PRKDC: variants seen among roughly 807,000 people sequenced by gnomAD.
PRKDC encodes protein kinase, DNA-activated, catalytic subunit.
PRKDC carries 82 observed loss-of-function variants against 486.9 expected under a neutral mutation model. The ratio of observed to expected loss-of-function variants is 0.17; its 90% CI spans 0.14 to 0.20. The LOEUF (loss-of-function observed/expected upper bound fraction) is 0.20, where lower values mean the gene tolerates loss of function less well. Ranked by LOEUF, PRKDC falls within the 10% of genes least tolerant of loss-of-function variation. The pLI is 1.00. For synonymous variants in PRKDC, 1,895 were observed against 1,837.0 expected, an observed-to-expected ratio of 1.03 and a Z score of -0.81; for missense variants, 4,504 against 5,038.2, an observed-to-expected ratio of 0.89 and a Z score of 3.21.
intron 68 of PRKDC, among the ~76,000 whole-genome samples, chr8:47,813,502 T>G (rs965702110): frequency 6.6e-6 from 1 of 152,154 alleles, no homozygotes; most frequent in East Asian, 1.9e-4. Context: ...GGAAAACCCA[T>G]GCCCAAATAG....
At chr8:47,892,270 A>G (rs1051862906) in intron 31 of PRKDC, among the ~76,000 whole-genome samples, 4 of 152,340 alleles carry the variant, frequency 2.6e-5, no homozygotes, top group African/African-American at 9.6e-5. Flanking sequence ...AATTTTTATT[A>G]TATTTGTTGT....
In PRKDC at chr8:47,914,040, T is replaced by C. The variant is rs756758606; in HGVS notation, c.2642A>G (p.Lys881Arg). 1 of 1,558,476 alleles carries C rather than the reference T, an allele frequency of 6.4e-7. No individual in the cohort carries two copies. Among genetic ancestry groups the C allele is most frequent in the Non-Finnish European group, 8.7e-7 (1 of 1,154,454 alleles). The change falls in exon 24 of 86, where the codon AAG becomes AGG. Residue 881 changes from lysine to arginine, a missense_variant. Around this residue, in one of 6 missense-constraint regions of PRKDC, gnomAD observed 1,969 missense variants for 2,068.9 expected, o/e 0.95. Coordinates refer to ENST00000314191, the MANE Select transcript of PRKDC (RefSeq NM_006904.7). ...LTVTSSDEMM[K>R]SYVAWDREKR... ...CTCTCTGTCCCAGGCCACATAGCTC[T>C]TCATCATCTCATCTGAGGACGTGAC...
At chr8:47,890,580 A>C in intron 31 of PRKDC, 100 bp from the exon 32 acceptor site, 2 of 856,794 alleles carry the variant, frequency 2.3e-6, no homozygotes, top group Non-Finnish European at 3.4e-6. Context: ...GTATACGTTC[A>C]GCAAAAATTC....
chr8:47,898,338 A>G, intron 29 of PRKDC, 132 bp downstream of exon 29: 2 of 712,540 alleles, frequency 2.8e-6, no homozygotes, highest in African/African-American at 1.8e-5. Flanking sequence ...CGAACTCTTC[A>G]GACTTCCACA....
intron 16 of PRKDC, among the ~76,000 whole-genome samples, chr8:47,931,717 C>T (rs2090258077): frequency 6.6e-6 from 1 of 152,176 alleles, no homozygotes; most frequent in African/African-American, 2.4e-5. Context: ...AGTGGAGGTA[C>T]TGACGCATGA....
chr8:47,915,677 C>A (rs1386832693), intron 22 of PRKDC, among the ~76,000 whole-genome samples: 2 of 152,188 alleles, frequency 1.3e-5, no homozygotes, highest in African/African-American at 4.8e-5. Context: ...AACTACTAAA[C>A]CCATTACATG....
chr8:47,845,223 A>T (rs1392883963), intron 54 of PRKDC, among the ~76,000 whole-genome samples: 1 of 152,176 alleles, frequency 6.6e-6, no homozygotes, highest in Non-Finnish European at 1.5e-5. Context: ...CTCCACCTTA[A>T]AACCAACCAA....
At position 47,890,305 on chromosome 8, in the gene PRKDC, A is replaced by G; in HGVS notation, c.4023T>C (p.Ile1341=). The change falls in exon 32 of 86, where the codon ATT becomes ATC. Residue 1341 remains isoleucine (I), a synonymous_variant. Transcript: ENST00000314191. ...TTAGCAGAGTCGTGGTAAACTCCAT[A>G]ATCCGGACCACAACGGTGCATTTGC... ...NYSKCTVVVR[I]MEFTTTLLNT... is the part of the protein sequence containing the mutation. 2 of 1,612,912 alleles carry G rather than the reference A, an allele frequency of 1.2e-6. No homozygotes were observed. The highest frequency in any genetic ancestry group is 2.2e-5 in the South Asian group (2 of 90,920).
intron 40 of PRKDC, among the ~76,000 whole-genome samples, chr8:47,869,948 T>A (rs1476474099): frequency 6.6e-6 from 1 of 151,942 alleles, no homozygotes; most frequent in East Asian, 1.9e-4. Flanking sequence ...GACTTCTTTA[T>A]TTTAGGAAAG....
At position 47,860,881 on chromosome 8, in the gene PRKDC, A is replaced by G. The variant is rs778306388; in HGVS notation, c.6058+18T>C. 6.3e-7 allele frequency: 1 copy of G among 1,584,484 alleles called. No homozygotes were observed. Among genetic ancestry groups the G allele is most frequent in the Non-Finnish European group, 8.6e-7 (1 of 1,161,286 alleles). ...CCATCGATTTGAATCCTTTCTCATG[A>G]TTTTGAAAACATCCTACCTGAATCC... On this transcript the variant is annotated intron_variant, in intron 45 of 85. Coordinates refer to ENST00000314191, the MANE Select transcript of PRKDC (RefSeq NM_006904.7).
intron 27 of PRKDC, 121 bp from the exon 28 acceptor site, chr8:47,900,588 G>A: frequency 1.2e-6 from 1 of 864,298 alleles, no homozygotes; most frequent in Non-Finnish European, 1.7e-6. Flanking sequence ...GTGGCCGGGT[G>A]CGGTGGCTCA....
intron 70 of PRKDC, 88 bp from the exon 71 acceptor site, chr8:47,801,074 C>A (rs913678501): frequency 4.5e-6 from 6 of 1,332,076 alleles, no homozygotes; most frequent in African/African-American, 4.4e-5. Flanking sequence ...TAGAAGTTTT[C>A]TTTTCTTTTG....
At chr8:47,906,085 T>C (rs192757779) in intron 25 of PRKDC, among the ~76,000 whole-genome samples, 118 of 152,316 alleles carry the variant, frequency 7.7e-4, no homozygotes, top group African/African-American at 2.8e-3. Context: ...CAGTGGTTCA[T>C]GCCCATAATC....
At chr8:47,888,723 T>A in intron 33 of PRKDC, 73 bp from the exon 34 acceptor site, 1 of 1,459,420 alleles carries the variant, frequency 6.9e-7, no homozygotes, top group Non-Finnish European at 9.1e-7. Flanking sequence ...CTGAAAAAAA[T>A]GTTTGCACTG....
chr8:47,954,056 T>C (rs2154504589), intron 5 of PRKDC, 137 bp from the exon 6 acceptor site: 2 of 546,514 alleles, frequency 3.7e-6, no homozygotes, highest in Admixed American at 3.5e-5. Flanking sequence ...ATATAAAGCT[T>C]TTAGGACTGC....
intron 69 of PRKDC, among the ~76,000 whole-genome samples, chr8:47,804,137 C>G (rs1473274119): frequency 1.3e-5 from 2 of 152,118 alleles, no homozygotes; most frequent in Admixed American, 1.3e-4. Context: ...TTGCCTACAC[C>G]AGACATTCTG....
chr8:47,821,536 CA>C, intron 65 of PRKDC, 67 bp downstream of exon 65: 1 of 1,474,978 alleles, frequency 6.8e-7, no homozygotes. Context: ...ATGTTTTAAA[CA>C]ATTTTGTTAA....
chr8:47,801,884 C>T (rs2087116210), intron 70 of PRKDC, among the ~76,000 whole-genome samples: 1 of 152,184 alleles, frequency 6.6e-6, no homozygotes, highest in Non-Finnish European at 1.5e-5. Flanking sequence ...AGTTATCTCA[C>T]ATACAGGATC....
chr8:47,819,359 C>T, intron 67 of PRKDC, 43 bp downstream of exon 67: 1 of 1,266,150 alleles, frequency 7.9e-7, no homozygotes. Context: ...TAAAACTCTT[C>T]CACAATTAGA....
Sources: allele counts gnomAD v4.1 joint callset (sites outside exome capture counted in the v4.1 genomes callset), GRCh38; gene constraint gnomAD v4.1.1; regional missense constraint gnomAD v4.1.1; transcripts MANE v1.5; gene names NCBI Gene and HGNC (gene_info 2026-07-23, HGNC 2026-07-21).